MYO16: variants seen among roughly 807,000 people sequenced by gnomAD.
MYO16 encodes unconventional myosin-XVI.
MYO16 carries 94 observed loss-of-function variants against 205.3 expected under a neutral mutation model. That is an observed-to-expected ratio of 0.46 (90% CI 0.39 to 0.54). MYO16 has a LOEUF of 0.54. Ranked by LOEUF, MYO16 falls within the 20% of genes least tolerant of loss-of-function variation. MYO16 has a pLI of 0.00. For missense variants in MYO16, 2,315 were observed against 2,387.5 expected, an observed-to-expected ratio of 0.97 and a Z score of 0.63; for synonymous variants, 988 against 954.0, an observed-to-expected ratio of 1.04 and a Z score of -0.66.
At chr13:108,892,317 G>T (rs920425354) in intron 14 of MYO16, among the ~76,000 whole-genome samples, 4 of 151,996 alleles carry the variant, frequency 2.6e-5, no homozygotes, top group African/African-American at 9.7e-5. Flanking sequence ...CACAATCTTT[G>T]CTCACTCCAT....
intron 9 of MYO16, among the ~76,000 whole-genome samples, chr13:108,840,021 TC>T (rs2139062457): frequency 6.6e-6 from 1 of 152,312 alleles, no homozygotes; most frequent in East Asian, 1.9e-4. Flanking sequence ...TTCACTATAG[TC>T]CTTTTGCAAT....
At chr13:108,790,680 T>C (rs1886590996) in intron 5 of MYO16, among the ~76,000 whole-genome samples, 1 of 152,160 alleles carries the variant, frequency 6.6e-6, no homozygotes, top group Non-Finnish European at 1.5e-5. Context: ...TGGGCTACTT[T>C]CCTGAATATA....
chr13:109,000,718 G>A (rs1483915257), intron 21 of MYO16, among the ~76,000 whole-genome samples: 1 of 151,994 alleles, frequency 6.6e-6, no homozygotes, highest in Non-Finnish European at 1.5e-5. Flanking sequence ...TCTTGGGCAT[G>A]GCTTCTATTT....
Position 108,596,400 on chromosome 13 carries a change from G to T in MYO16, c.-39+161G>T, listed in dbSNP as rs138934945. On this transcript the variant is annotated intron_variant, in intron 1 of 24. Coordinates refer to the MYO16 transcript ENST00000251041. ...AACATTTTTCTTTGCTTTGGTTTTT[G>T]TTTCTGCTTTCTGATAGCTAGATTC... Among the ~76,000 whole-genome samples the T allele has an allele frequency of 6.4e-3, 973 of 151,668 alleles. 15 individuals carry two copies. The highest frequency in any genetic ancestry group is 0.023 in the African/African-American group (933 of 41,364).
chr13:109,060,158 A>G (rs984626772), intron 27 of MYO16, among the ~76,000 whole-genome samples: 1 of 152,194 alleles, frequency 6.6e-6, no homozygotes, highest in Non-Finnish European at 1.5e-5. Context: ...AGGATTATAA[A>G]TCATGCTGCT....
chr13:108,496,125 G>C, the MYO16 span, among the ~76,000 whole-genome samples: 8 of 152,180 alleles, frequency 5.3e-5, no homozygotes, highest in Non-Finnish European at 1.2e-4. Context: ...GACGCGTCTG[G>C]GGGGCGTGGA....
chr13:108,967,208 G>C (rs1464148912), intron 20 of MYO16, among the ~76,000 whole-genome samples: 1 of 151,654 alleles, frequency 6.6e-6, no homozygotes. Context: ...TGGCAAGAGA[G>C]AATAAATATC....
intron 27 of MYO16, among the ~76,000 whole-genome samples, chr13:109,084,724 C>T (rs1427617288): frequency 1.3e-5 from 2 of 151,942 alleles, no homozygotes; most frequent in Non-Finnish European, 2.9e-5. Context: ...ATTTCTCCTT[C>T]CTTCCCTTCC....
At chr13:108,644,388 C>G (rs1457220891) in intron 1 of MYO16, among the ~76,000 whole-genome samples, 1 of 150,588 alleles carries the variant, frequency 6.6e-6, no homozygotes, top group Non-Finnish European at 1.5e-5. Flanking sequence ...ATCTATCTAT[C>G]TATCTATCTA....
the MYO16 span, among the ~76,000 whole-genome samples, chr13:108,531,570 T>C: frequency 6.6e-6 from 1 of 151,946 alleles, no homozygotes; most frequent in Non-Finnish European, 1.5e-5. Context: ...ACGTACTCGT[T>C]ACTGAGACAG....
Position 109,162,352 on chromosome 13 carries a change from C to T in MYO16, c.5165-2549C>T, listed in dbSNP as rs962876137. On this transcript the variant is annotated intron_variant, in intron 32 of 34. Transcript: ENST00000457511. This position sits in a 1 kb window ranked among gnomAD's most constrained non-coding sequence, Gnocchi z 4.6. ...CAAAGCCTTGGGGAAGCCCTCACTG[C>T]GCTGAGAATAAAACCTCTCAGTTCC... Among the ~76,000 whole-genome samples the T allele has an allele frequency of 2.6e-5, 4 of 152,148 alleles. No individual in the cohort carries two copies. The highest frequency in any genetic ancestry group is 3.9e-4 in the East Asian group (2 of 5,194).
chr13:108,947,909 A>G (rs1001661718), intron 16 of MYO16, among the ~76,000 whole-genome samples: 7 of 152,190 alleles, frequency 4.6e-5, no homozygotes, highest in African/African-American at 1.7e-4. Context: ...TCCTGAATTT[A>G]TTAGATTCTG....
chr13:108,573,954 G>A, the MYO16 span, among the ~76,000 whole-genome samples: 1 of 151,998 alleles, frequency 6.6e-6, no homozygotes, highest in Admixed American at 6.6e-5. Flanking sequence ...GGGCTCAAGC[G>A]ATCCTCCCAC....
chr13:108,819,964 A>C (rs890164060), intron 7 of MYO16, among the ~76,000 whole-genome samples: 1 of 152,204 alleles, frequency 6.6e-6, no homozygotes, highest in African/African-American at 2.4e-5. Flanking sequence ...TTCACGTTTT[A>C]AAGTTTCAGT....
chr13:109,180,526 A>G (rs2139917977), intron 34 of MYO16, among the ~76,000 whole-genome samples: 1 of 152,346 alleles, frequency 6.6e-6, no homozygotes, highest in East Asian at 1.9e-4. Flanking sequence ...AGTCTAAAAT[A>G]ACCTCAGCCA....
chr13:108,701,641 C>T (rs1434666400), intron 2 of MYO16, among the ~76,000 whole-genome samples: 1 of 151,938 alleles, frequency 6.6e-6, no homozygotes, highest in Non-Finnish European at 1.5e-5. Flanking sequence ...ACATAGTTGT[C>T]AACAAAAAAT....
intron 7 of MYO16, among the ~76,000 whole-genome samples, chr13:108,815,933 T>C (rs1875560047): frequency 6.6e-6 from 1 of 152,184 alleles, no homozygotes; most frequent in Admixed American, 6.6e-5. Context: ...ATAAAGTTGT[T>C]AGGTAATACA....
At chr13:108,915,940 C>T (rs1340817994) in intron 16 of MYO16, among the ~76,000 whole-genome samples, 3 of 152,106 alleles carry the variant, frequency 2.0e-5, no homozygotes, top group East Asian at 1.9e-4. Flanking sequence ...GGGGAAGCCA[C>T]GGCAAGCAGC....
rs1404172371 is a variant in MYO16, at chr13:108,860,156, C to G, written c.1359+4603C>G. 5.4e-5 allele frequency among the ~76,000 whole-genome samples: 8 copies of G among 147,424 alleles called. No homozygotes were observed. The South Asian group carries it at 1.8e-3, about 33-fold the overall frequency. On this transcript the variant is annotated intron_variant, in intron 11 of 34. Coordinates refer to ENST00000457511, the MANE Select transcript of MYO16 (RefSeq NM_001198950.3). ...AATAGTTATATTTTCTGCTCCTCTC[C>G]CCCATTCCAGCCTCCTTGGCCAAGT...
Sources: gnomAD v4.1 joint callset for allele counts (sites outside exome capture counted in the v4.1 genomes callset) on GRCh38, gnomAD v4.1.1 for gene constraint, Gnocchi (gnomAD v3.1) non-coding constraint, MANE v1.5 for transcripts, NCBI Gene and HGNC (gene_info 2026-07-23, HGNC 2026-07-21) for gene names.